The following KALRN variants were observed in gnomAD, a reference collection of about 807,000 sequenced individuals.
KALRN encodes the protein kalirin.
KALRN carries 70 observed loss-of-function variants against 353.7 expected under a neutral mutation model. The observed-to-expected ratio is 0.20, with a 90% CI of 0.16 to 0.24. The LOEUF (loss-of-function observed/expected upper bound fraction) is 0.24. Ranked by LOEUF, KALRN falls within the 10% of genes least tolerant of loss-of-function variation. The pLI, the probability that KALRN is intolerant of heterozygous loss-of-function variation, is 1.00. For missense variants in KALRN, 2,791 were observed against 3,756.7 expected (o/e 0.74, Z 6.72); for synonymous variants, 1,391 against 1,434.8 (o/e 0.97, Z 0.69).
At chr3:124,116,783 T>C in intron 1 of KALRN, among the ~76,000 whole-genome samples, 2 of 152,328 alleles carry the variant, frequency 1.3e-5, no homozygotes, top group Non-Finnish European at 2.9e-5. Context: ...TATAACAATA[T>C]AATGGAAGTT....
chr3:124,622,177 T>C (rs1027445890), intron 34 of KALRN, among the ~76,000 whole-genome samples: 6 of 95,560 alleles, frequency 6.3e-5, no homozygotes, highest in African/African-American at 3.0e-4. Flanking sequence ...TCCCATGCCA[T>C]TGGAGCTAAA....
intron 34 of KALRN, among the ~76,000 whole-genome samples, chr3:124,623,429 A>ACACACACACACACACACACACACACACAC (rs1561450939): frequency 1.2e-5 from 1 of 83,058 alleles, no homozygotes; most frequent in Admixed American, 1.4e-4. Flanking sequence ...CACACACACA[A>ACACACACACACACACACACACACACACAC]AAGGGAGTTT....
In KALRN at chr3:124,717,247, G is replaced by A. The variant is rs2063172458; in HGVS notation, c.8277G>A (p.Leu2759=). 6.3e-7 allele frequency: 1 copy of A among 1,592,758 alleles called. No homozygotes were observed. Residue 2759 remains leucine, a splice_region_variant and synonymous_variant, in exon 59 of 60, where the codon CTG becomes CTA. Coordinates refer to ENST00000682506, the MANE Select transcript of KALRN (RefSeq NM_001388419.1). ...TTTGCCTTTCCCTGCCTACTTTCAG[G>A]ATGGATGATGGCCGGCTCTTAGACT... ...SPTSYILILE[L]MDDGRLLDYL...
intron 33 of KALRN, among the ~76,000 whole-genome samples, chr3:124,545,548 G>C (rs1461236580): frequency 6.6e-6 from 1 of 152,154 alleles, no homozygotes. Context: ...GGACATGACT[G>C]TCCTAGAGCC....
intron 34 of KALRN, among the ~76,000 whole-genome samples, chr3:124,597,492 TTC>T (rs1165986528): frequency 3.3e-5 from 5 of 152,142 alleles, no homozygotes; most frequent in African/African-American, 9.7e-5. Flanking sequence ...GGATGCAGGG[TTC>T]TCACTGCGTG....
chr3:124,217,387 T>C (rs2077435437), intron 1 of KALRN, among the ~76,000 whole-genome samples: 2 of 152,198 alleles, frequency 1.3e-5, no homozygotes, highest in Admixed American at 1.3e-4. Context: ...GTTAGCCAAT[T>C]TATCTAGATA....
At chr3:124,145,869 A>C (rs1418851579) in intron 1 of KALRN, among the ~76,000 whole-genome samples, 3 of 152,238 alleles carry the variant, frequency 2.0e-5, no homozygotes, top group African/African-American at 7.2e-5. Flanking sequence ...AAAGACACAC[A>C]CAGAAATAGA....
intron 8 of KALRN, among the ~76,000 whole-genome samples, chr3:124,331,182 AT>A (rs2080511157): frequency 6.6e-6 from 1 of 152,214 alleles, no homozygotes; most frequent in Non-Finnish European, 1.5e-5. Flanking sequence ...ACAATTCACA[AT>A]TGCAAAAATA....
At chr3:124,058,963 G>A (rs923986430) in intron 1 of KALRN, among the ~76,000 whole-genome samples, 1 of 152,252 alleles carries the variant, frequency 6.6e-6, no homozygotes, top group Admixed American at 6.5e-5. Context: ...TTGATTGTTA[G>A]TTTACACTTG....
At chr3:124,296,260 G>A (rs141772178) in intron 5 of KALRN, among the ~76,000 whole-genome samples, 7 of 152,164 alleles carry the variant, frequency 4.6e-5, no homozygotes, top group African/African-American at 1.4e-4. Flanking sequence ...CATCTAAAAC[G>A]GAACATACAA....
intron 1 of KALRN, among the ~76,000 whole-genome samples, chr3:124,070,347 C>G (rs2059957935): frequency 6.6e-6 from 1 of 152,192 alleles, no homozygotes; most frequent in African/African-American, 2.4e-5. Context: ...TTACCAGGTC[C>G]TTGCAGAACC....
intron 34 of KALRN, among the ~76,000 whole-genome samples, chr3:124,583,275 C>A (rs1003323582): frequency 7.9e-5 from 12 of 152,080 alleles, no homozygotes; most frequent in African/African-American, 2.9e-4. Flanking sequence ...AATGGGCCCT[C>A]TTTATGAGTG....
At chr3:124,606,972 T>C (rs1450613170) in intron 34 of KALRN, among the ~76,000 whole-genome samples, 1 of 152,242 alleles carries the variant, frequency 6.6e-6, no homozygotes, top group African/African-American at 2.4e-5. Flanking sequence ...CATCCACTCA[T>C]GGGAACATAA....
At chr3:124,689,055 G>C (rs1366729325) in intron 51 of KALRN, among the ~76,000 whole-genome samples, 2 of 152,190 alleles carry the variant, frequency 1.3e-5, no homozygotes, top group Non-Finnish European at 2.9e-5. Context: ...CCAGCTTTAG[G>C]AACCTGTAGT....
chr3:124,336,538 G>A (rs2081154521), intron 9 of KALRN, among the ~76,000 whole-genome samples: 1 of 152,128 alleles, frequency 6.6e-6, no homozygotes, highest in African/African-American at 2.4e-5. Context: ...CTGGAGAGCT[G>A]CAGAGGGGCT....
intron 6 of KALRN, among the ~76,000 whole-genome samples, chr3:124,306,759 C>T (rs2077743046): frequency 6.6e-6 from 1 of 152,266 alleles, no homozygotes; most frequent in East Asian, 1.9e-4. Context: ...AGGAAAATGA[C>T]TTCTCTGTTA....
At chr3:124,583,096 A>G (rs762325710) in intron 34 of KALRN, among the ~76,000 whole-genome samples, 56 of 152,190 alleles carry the variant, frequency 3.7e-4, no homozygotes, top group Admixed American at 7.9e-4. Context: ...CACATAGATA[A>G]ATAAAGCACA....
chr3:124,630,103 A>G (rs554367204), intron 34 of KALRN, among the ~76,000 whole-genome samples: 1 of 152,308 alleles, frequency 6.6e-6, no homozygotes, highest in East Asian at 1.9e-4. Context: ...GAATAACTCA[A>G]AACTATTCTC....
chr3:124,155,539 T>A (rs2068852156), intron 1 of KALRN, among the ~76,000 whole-genome samples: 1 of 152,154 alleles, frequency 6.6e-6, no homozygotes, highest in Non-Finnish European at 1.5e-5. Flanking sequence ...GGTTTAAATA[T>A]CCTTCTCCAA....
Sources: gnomAD v4.1 joint callset for allele counts (sites outside exome capture counted in the v4.1 genomes callset) on GRCh38, gnomAD v4.1.1 for gene constraint, MANE v1.5 for transcripts, NCBI Gene and HGNC (gene_info 2026-07-23, HGNC 2026-07-21) for gene names.